The following UPF2 variants were observed in gnomAD, a reference collection of about 807,000 sequenced individuals.
The protein encoded by UPF2 is regulator of nonsense transcripts 2.
UPF2 carries 17 observed loss-of-function variants against 141.4 expected under a neutral mutation model. The observed-to-expected ratio is 0.12, with a 90% CI of 0.08 to 0.18. The LOEUF is 0.18. Ranked by LOEUF, UPF2 falls within the 10% of genes least tolerant of loss-of-function variation. UPF2 has a pLI of 1.00. For missense variants in UPF2, 1,152 were observed against 1,515.9 expected, an observed-to-expected ratio of 0.76 and a Z score of 3.99; for synonymous variants, 540 against 498.0, an observed-to-expected ratio of 1.08 and a Z score of -1.12.
chr10:11,972,964 C>A (rs1833445760), intron 9 of UPF2, among the ~76,000 whole-genome samples: 1 of 152,222 alleles, frequency 6.6e-6, no homozygotes, highest in African/African-American at 2.4e-5. Flanking sequence ...GCCACACTGT[C>A]TTCCACAATG....
chr10:11,926,409 C>A (rs532448302), intron 21 of UPF2, among the ~76,000 whole-genome samples: 2 of 152,266 alleles, frequency 1.3e-5, no homozygotes, highest in Middle Eastern at 6.8e-3. Flanking sequence ...GGGATGACAC[C>A]TCCTTTGAGA....
At position 11,952,665 on chromosome 10, in the gene UPF2, G is replaced by A. The variant is rs1221443532; in HGVS notation, c.2851-416C>T. ...ACTTTTTAATATTTTTAGTGGAGAC[G>A]GGGTTTCACTGTGTTAGCCAGGATG... On this transcript the variant is annotated intron_variant, in intron 14 of 21. Coordinates refer to ENST00000357604, the MANE Select transcript of UPF2 (RefSeq NM_015542.4). Among the ~76,000 whole-genome samples, 4 of 151,808 alleles carry A rather than the reference G, an allele frequency of 2.6e-5. No individual in the cohort carries two copies. In the South Asian group the frequency reaches 8.3e-4, roughly 32 times the overall value.
At chr10:11,971,589 T>C (rs1337480713) in intron 9 of UPF2, among the ~76,000 whole-genome samples, 1 of 152,136 alleles carries the variant, frequency 6.6e-6, no homozygotes, top group African/African-American at 2.4e-5. Flanking sequence ...ATCAAAAATA[T>C]GTCAAAACAC....
rs1307034456 is a variant in UPF2 at position 12,035,078 on chromosome 10, C to G, written c.346G>C (p.Glu116Gln). The G allele has an allele frequency of 6.4e-7, 1 of 1,570,392 alleles. No individual in the cohort carries two copies. The change falls in exon 2 of 22, where the codon GAA (glutamate) becomes CAA (glutamine). Residue 116 changes from glutamate (E) to glutamine (Q), a missense_variant. Around this residue, in one of 4 missense-constraint regions of UPF2, gnomAD observed 145 missense variants for 136.5 expected, o/e 1.06. Coordinates refer to ENST00000357604, the MANE Select transcript of UPF2 (RefSeq NM_015542.4). ...CCTTACTTCATCTGAGCAGCTGCTT[C>G]TTCTTCTTGCTGACGTTTGGCCTGC... ...EEQAKRQQEE[E>Q]AAAQMKEKEE...
rs1311227423 is a variant in UPF2, at chr10:12,004,512, T to C, written c.1504+18A>G. 4 of 1,585,556 alleles carry C rather than the reference T, an allele frequency of 2.5e-6. No homozygotes were observed. The African/African-American group carries it at 5.4e-5, about 22-fold the overall frequency. Reference sequence around the variant, plus strand: ...TTCTTATAGCACTTAATGTAAATATTTTTTCTCTAGAATTTACCTTTGGTA... The same window carrying C: ...TTCTTATAGCACTTAATGTAAATATCTTTTCTCTAGAATTTACCTTTGGTA... On this transcript the variant is annotated intron_variant, in intron 5 of 21. Coordinates refer to ENST00000357604, the MANE Select transcript of UPF2 (RefSeq NM_015542.4).
chr10:11,990,962 C>A (rs1474378325), intron 8 of UPF2, among the ~76,000 whole-genome samples: 1 of 143,730 alleles, frequency 7.0e-6, no homozygotes, highest in Non-Finnish European at 1.5e-5. Context: ...CACTTCAGCG[C>A]TTGAGCGACA....
In UPF2 at chr10:11,946,801, AATT is replaced by A. The variant is rs545519937; in HGVS notation, c.3174+1565_3174+1567del. Among the ~76,000 whole-genome samples, 1,041 of 152,250 alleles carry A rather than the reference AATT, an allele frequency of 6.8e-3. 7 individuals are homozygous for A. Among genetic ancestry groups the A allele is most frequent in the Middle Eastern group, 0.048 (14 of 294 alleles). On this transcript the variant is annotated intron_variant, in intron 16 of 21. Coordinates refer to ENST00000357604, the MANE Select transcript of UPF2 (RefSeq NM_015542.4). Reference sequence around the variant, plus strand: ...CACTATGTTGTCCAGGCTGGACATGAATTCCTGGGCTCAAGCAATCCTCCCACC... The same window carrying A: ...CACTATGTTGTCCAGGCTGGACATGACCTGGGCTCAAGCAATCCTCCCACC...
chr10:11,959,366 A>G lies in UPF2; in HGVS notation c.2185-10T>C, dbSNP rs749556634. ...TTCTCATCATTTGCTCCTGAAATAA[A>G]AAGTCCAAATTAATCAAAACACGTT... On this transcript the variant is annotated splice_polypyrimidine_tract_variant and intron_variant, in intron 11 of 21. Transcript: ENST00000357604. The surrounding 1 kb of genome is among the most constrained non-coding windows in gnomAD (Gnocchi z 5.9). 3 of 1,558,218 alleles carry G rather than the reference A, an allele frequency of 1.9e-6. No homozygotes were observed. The highest frequency in any genetic ancestry group is 2.6e-6 in the Non-Finnish European group (3 of 1,157,592).
rs1469818631 is a variant in UPF2, at chr10:11,998,452, G to A, written c.1759-695C>T. Among the ~76,000 whole-genome samples the A allele has an allele frequency of 6.6e-6, 1 of 152,014 alleles. No individual in the cohort carries two copies. Among genetic ancestry groups the A allele is most frequent in the Non-Finnish European group, 1.5e-5 (1 of 68,008 alleles). On this transcript the variant is annotated intron_variant, in intron 7 of 21. Coordinates refer to ENST00000357604, the MANE Select transcript of UPF2 (RefSeq NM_015542.4). This position sits in a 1 kb window ranked among gnomAD's most constrained non-coding sequence, Gnocchi z 4.5. ...GGCTGGGGTGCAGTGGCACAATCAT[G>A]GCTCACTGCAGCCTTGCTCTGCCAG...
Position 11,959,634 on chromosome 10 carries a change from C to T in UPF2, c.2185-278G>A, listed in dbSNP as rs1341087931. 6.6e-6 allele frequency among the ~76,000 whole-genome samples: 1 copy of T among 152,046 alleles called. No homozygotes were observed. Among genetic ancestry groups the T allele is most frequent in the African/African-American group, 2.4e-5 (1 of 41,406 alleles). ...AATTAGCCAGGTGTGGTGGCGCACA[C>T]CTGTAGTCCCAGCTACTTGGGAGGT... is the stretch of plus-strand genomic sequence containing the variant. On this transcript the variant is annotated intron_variant, in intron 11 of 21. Coordinates refer to ENST00000357604, the MANE Select transcript of UPF2 (RefSeq NM_015542.4). This position sits in a 1 kb window ranked among gnomAD's most constrained non-coding sequence, Gnocchi z 5.9.
At chr10:12,004,228 G>A (rs1417546351) in intron 5 of UPF2, among the ~76,000 whole-genome samples, 1 of 152,126 alleles carries the variant, frequency 6.6e-6, no homozygotes, top group Non-Finnish European at 1.5e-5. Context: ...CTAACAATCT[G>A]ATACCTGGGG....
rs768899194 is a variant in UPF2 at position 12,029,182 on chromosome 10, A to G, written c.708T>C (p.Phe236=). ...TCCAGACCTGAAGAAGTGATGGGGCAAAGTCAGCATAACGCTGGTGAAAGA... is the reference window on the plus strand; with the variant it reads ...TCCAGACCTGAAGAAGTGATGGGGCGAAGTCAGCATAACGCTGGTGAAAGA... ...CSLFHQRYAD[F]APSLLQVWKK... The change falls in exon 3 of 22, where the codon TTT becomes TTC. Residue 236 remains phenylalanine, a synonymous_variant. Transcript: ENST00000357604. The G allele has an allele frequency of 3.7e-6, 6 of 1,614,224 alleles. No homozygotes were observed. The East Asian group carries it at 1.3e-4, about 36-fold the overall frequency.
intron 1 of UPF2, among the ~76,000 whole-genome samples, chr10:12,038,403 C>T (rs1168847819): frequency 6.6e-6 from 1 of 151,014 alleles, no homozygotes; most frequent in Non-Finnish European, 1.5e-5. Flanking sequence ...CACACACACA[C>T]ACACACACAC....
intron 3 of UPF2, among the ~76,000 whole-genome samples, chr10:12,023,874 C>T (rs1482885875): frequency 6.7e-6 from 1 of 150,184 alleles, no homozygotes; most frequent in Non-Finnish European, 1.5e-5. Flanking sequence ...TGCCTATGGT[C>T]CCAGCTACTC....
At chr10:12,000,434 T>C (rs117138944) in intron 6 of UPF2, among the ~76,000 whole-genome samples, 7,953 of 152,154 alleles carry the variant, frequency 0.052, 283 homozygotes, top group Non-Finnish European at 0.08. Context: ...TGCAGTAAGA[T>C]AGGGTAAAGC....
intron 2 of UPF2, among the ~76,000 whole-genome samples, chr10:12,034,577 G>T (rs577285349): frequency 6.6e-6 from 1 of 152,040 alleles, no homozygotes; most frequent in African/African-American, 2.4e-5. Context: ...AGGCTGAGGC[G>T]GGCGGATCAC....
chr10:11,965,337 T>C (rs1176594618), intron 10 of UPF2, among the ~76,000 whole-genome samples: 1 of 152,248 alleles, frequency 6.6e-6, no homozygotes, highest in Non-Finnish European at 1.5e-5. Flanking sequence ...AACATTTTCA[T>C]AATCCCTTCT....
chr10:12,020,255 T>C (rs1564368993), intron 3 of UPF2, among the ~76,000 whole-genome samples: 1 of 151,374 alleles, frequency 6.6e-6, no homozygotes, highest in Non-Finnish European at 1.5e-5. Context: ...ATTTTATTTT[T>C]TTTTTAATTT....
chr10:12,013,091 C>T (rs1326267078), intron 4 of UPF2, among the ~76,000 whole-genome samples: 3 of 148,304 alleles, frequency 2.0e-5, no homozygotes, highest in Non-Finnish European at 4.5e-5. Context: ...TGCCACTGCA[C>T]TCCAGCCTGA....
Sources: gnomAD v4.1 joint callset for allele counts (sites outside exome capture counted in the v4.1 genomes callset) on GRCh38, gnomAD v4.1.1 for gene constraint, gnomAD v4.1.1 regional missense constraint, Gnocchi (gnomAD v3.1) non-coding constraint, MANE v1.5 for transcripts, NCBI Gene and HGNC (gene_info 2026-07-23, HGNC 2026-07-21) for gene names.